The following FGF1 variants were observed in gnomAD, a reference collection of about 807,000 sequenced individuals.
The protein encoded by FGF1 is beta-endothelial cell growth factor.
In FGF1, 9 loss-of-function variants were observed where a neutral mutation model predicts 13.4. That is an observed-to-expected ratio of 0.67 (90% CI 0.40 to 1.17). The LOEUF (loss-of-function observed/expected upper bound fraction) is 1.17. Ranked by LOEUF, FGF1 falls within the 50% of genes most tolerant of loss-of-function variation. The probability of loss-of-function intolerance (pLI) is 0.01; values close to 1 mark genes in which losing one functional copy is unlikely to be tolerated. For synonymous variants in FGF1, 93 were observed against 79.0 expected (o/e 1.18, Z -0.94); for missense variants, 156 against 192.7 (o/e 0.81, Z 1.13).
chr5:142,601,507 G>A (rs975704913), intron 2 of FGF1, among the ~76,000 whole-genome samples: 1 of 152,136 alleles, frequency 6.6e-6, no homozygotes. Flanking sequence ...GGAGAATGAA[G>A]CCGTTACCTG....
intron 1 of FGF1, among the ~76,000 whole-genome samples, chr5:142,662,571 A>G (rs139406328): frequency 8.4e-4 from 128 of 152,326 alleles, no homozygotes; most frequent in Middle Eastern, 3.4e-3. Context: ...ATATTTGTTG[A>G]ATGAATGGAT....
chr5:142,621,954 C>G (rs1305162563), intron 1 of FGF1, among the ~76,000 whole-genome samples: 1 of 152,222 alleles, frequency 6.6e-6, no homozygotes, highest in East Asian at 1.9e-4. Flanking sequence ...CTTCCCTGAA[C>G]TGAGTCAGGT....
At chr5:142,649,629 A>G (rs897403640) in intron 1 of FGF1, among the ~76,000 whole-genome samples, 1 of 151,402 alleles carries the variant, frequency 6.6e-6, no homozygotes, top group Non-Finnish European at 1.5e-5. Context: ...GGATGGTCTC[A>G]ATCTCCTGAC....
chr5:142,624,986 C>T (rs983358917), intron 1 of FGF1, among the ~76,000 whole-genome samples: 1 of 152,218 alleles, frequency 6.6e-6, no homozygotes, highest in Non-Finnish European at 1.5e-5. Flanking sequence ...CCAGACACCA[C>T]TGGAGTTGTT....
At chr5:142,671,790 A>G (rs1273129922) in intron 1 of FGF1, 1 of 152,236 alleles carries the variant, frequency 6.6e-6, no homozygotes, top group Non-Finnish European at 1.5e-5. Context: ...GTTTCATTCC[A>G]GGCAGAGTGC....
chr5:142,602,580 G>A (rs1268760926), intron 2 of FGF1, among the ~76,000 whole-genome samples: 1 of 152,120 alleles, frequency 6.6e-6, no homozygotes. Flanking sequence ...ACATCTCCTG[G>A]GGGGATGCAG....
intron 1 of FGF1, among the ~76,000 whole-genome samples, chr5:142,628,456 G>C (rs1232801726): frequency 4.6e-5 from 7 of 152,334 alleles, no homozygotes; most frequent in Middle Eastern, 3.4e-3. Context: ...GTTGCAGTGA[G>C]CCGAGATCGC....
intron 1 of FGF1, among the ~76,000 whole-genome samples, chr5:142,681,453 G>C (rs576655854): frequency 8.7e-4 from 133 of 152,218 alleles, no homozygotes; most frequent in Non-Finnish European, 1.3e-3. Context: ...TAGCCCCACT[G>C]TTCCCCAGTG....
intron 1 of FGF1, among the ~76,000 whole-genome samples, chr5:142,616,626 C>T (rs1760302094): frequency 6.6e-6 from 1 of 152,240 alleles, no homozygotes; most frequent in African/African-American, 2.4e-5. Context: ...CTGTGTCCAC[C>T]TCTGGCTCTC....
In FGF1 at chr5:142,595,123, G is replaced by T. The variant is rs780460200; in HGVS notation, c.*167C>A. 1 of 603,504 alleles carries T rather than the reference G, an allele frequency of 1.7e-6. No homozygotes were observed. The highest frequency in any genetic ancestry group is 2.1e-5 in the South Asian group (1 of 48,388). 37.4% of individuals were successfully genotyped at this position (603,504 alleles called of 1,614,324 possible). ...TGTTCTAAACTGTGCAGGGGTAAAA[G>T]GCTCTGCAAAGAAGTGAACTGGGCA... On this transcript the variant is annotated 3_prime_UTR_variant, in exon 4 of 4. Coordinates refer to ENST00000337706, the MANE Select transcript of FGF1 (RefSeq NM_000800.5).
rs1212672473 is a variant in FGF1, at chr5:142,594,493, C to G, written c.*797G>C. On this transcript the variant is annotated 3_prime_UTR_variant, in exon 4 of 4. Transcript: ENST00000337706. ...CAGCCAGTTTCCCTTTCTTTCTCTG[C>G]ACTCCCACACTCAGTCCCCAGATCC... The G allele has an allele frequency of 6.6e-6, 1 of 152,266 alleles. No individual in the cohort carries two copies. The highest frequency in any genetic ancestry group is 1.5e-5 in the Non-Finnish European group (1 of 68,112). The allele number at this position is 152,266 out of a possible 1,614,324, so 9.4% of individuals were successfully genotyped here.
intron 1 of FGF1, among the ~76,000 whole-genome samples, chr5:142,636,749 G>A (rs1027503004): frequency 1.3e-5 from 2 of 150,558 alleles, no homozygotes; most frequent in Admixed American, 1.3e-4. Flanking sequence ...GAGGTTGCAG[G>A]TAAATGTGCA....
intron 1 of FGF1, among the ~76,000 whole-genome samples, chr5:142,633,110 G>A (rs1475502860): frequency 2.6e-5 from 4 of 151,914 alleles, no homozygotes; most frequent in Non-Finnish European, 5.9e-5. Context: ...TAGTAGAGAC[G>A]GGGTTTCACC....
intron 2 of FGF1, among the ~76,000 whole-genome samples, chr5:142,609,421 A>T (rs775464992): frequency 1.3e-5 from 2 of 152,164 alleles, no homozygotes; most frequent in Non-Finnish European, 2.9e-5. Context: ...TATTAATCCC[A>T]TTGAGGGATA....
rs1222465692 is a variant in FGF1 at position 142,592,732 on chromosome 5, G to A, written c.*2558C>T. ...AAAGCAGTCCCCCTGAAGCTGACCC[G>A]GTTCTAAAGTTGAAAATGCTAAGTT... On this transcript the variant is annotated 3_prime_UTR_variant, in exon 4 of 4. Coordinates refer to ENST00000337706, the MANE Select transcript of FGF1 (RefSeq NM_000800.5). 14 of 327,260 alleles carry A rather than the reference G, an allele frequency of 4.3e-5. No individual in the cohort carries two copies. The highest frequency in any genetic ancestry group is 1.4e-4 in the East Asian group (3 of 20,848). The allele number at this position is 327,260 out of a possible 1,614,324, so 20.3% of individuals were successfully genotyped here. A position where few individuals can be genotyped will look rare whatever the true frequency, so the allele number is the denominator to read the frequency against.
At chr5:142,649,697 A>G (rs1766860192) in intron 1 of FGF1, among the ~76,000 whole-genome samples, 2 of 151,990 alleles carry the variant, frequency 1.3e-5, no homozygotes, top group Non-Finnish European at 2.9e-5. Context: ...GTGAGCCACC[A>G]CGCCCGGCCG....
intron 1 of FGF1, among the ~76,000 whole-genome samples, chr5:142,635,564 C>T (rs955876305): frequency 7.9e-5 from 12 of 152,222 alleles, no homozygotes; most frequent in South Asian, 2.1e-4. Context: ...CAGCGCCTGA[C>T]GCTGGAATTC....
intron 3 of FGF1, among the ~76,000 whole-genome samples, chr5:142,597,765 C>T (rs1289560735): frequency 6.6e-6 from 1 of 152,106 alleles, no homozygotes; most frequent in Admixed American, 6.6e-5. Flanking sequence ...ATGTTTGTTT[C>T]TTTAGATTAT....
At chr5:142,686,458 T>C (rs958342959), upstream of FGF1, 5 of 152,106 alleles carry the variant, frequency 3.3e-5, no homozygotes, top group Non-Finnish European at 7.3e-5. Context: ...TTTAACGTGG[T>C]TTGTCTTGGG....
Sources: allele counts gnomAD v4.1 joint callset (sites outside exome capture counted in the v4.1 genomes callset), GRCh38; gene constraint gnomAD v4.1.1; transcripts MANE v1.5; gene names NCBI Gene and HGNC (gene_info 2026-07-23, HGNC 2026-07-21).